Variants in PDGFRL observed in about 807,000 individuals in gnomAD.
The protein encoded by PDGFRL is platelet derived growth factor receptor like, also known as platelet-derived growth factor receptor-like protein.
In PDGFRL, 46 loss-of-function variants were observed where a neutral mutation model predicts 37.2. The ratio of observed to expected loss-of-function variants is 1.24; its 90% confidence interval spans 0.98 to 1.58. The LOEUF (loss-of-function observed/expected upper bound fraction) is 1.58, where lower values mean the gene tolerates loss of function less well. Among genes scored for constraint, PDGFRL ranks in the 40% most tolerant of loss-of-function variants. PDGFRL has a pLI of 0.00. For missense variants in PDGFRL, 692 were observed against 467.6 expected, an observed-to-expected ratio of 1.48 and a Z score of -4.43; for synonymous variants, 251 against 184.3, an observed-to-expected ratio of 1.36 and a Z score of -2.93.
chr8:17,636,207 G>A (rs1255485491), intron 5 of PDGFRL, among the ~76,000 whole-genome samples: 5 of 152,200 alleles, frequency 3.3e-5, no homozygotes, highest in African/African-American at 4.8e-5. Flanking sequence ...GTCTAGAAAG[G>A]TTTTTCCACT....
At chr8:17,577,150 C>A (rs551609374), upstream of PDGFRL, 3 of 1,508,472 alleles carry the variant, frequency 2.0e-6, no homozygotes, top group Admixed American at 2.1e-5. Context: ...CGAATCCTCC[C>A]GCTTCGGCGT....
At chr8:17,629,737 A>G (rs1367703908) in intron 4 of PDGFRL, among the ~76,000 whole-genome samples, 1 of 151,692 alleles carries the variant, frequency 6.6e-6, no homozygotes, top group African/African-American at 2.4e-5. Context: ...AGATATTCCC[A>G]CCCTCATCAC....
intron 2 of PDGFRL, among the ~76,000 whole-genome samples, chr8:17,605,911 A>G (rs1050997581): frequency 3.3e-5 from 5 of 152,190 alleles, no homozygotes; most frequent in Non-Finnish European, 5.9e-5. Context: ...AAGGGAGGGC[A>G]TCGGGCTTTT....
Position 17,620,229 on chromosome 8 carries a change from T to C in PDGFRL, c.354-822T>C, listed in dbSNP as rs536704758. Among the ~76,000 whole-genome samples, 3 of 152,306 alleles carry C rather than the reference T, an allele frequency of 2.0e-5. No individual in the cohort carries two copies. The South Asian group carries it at 6.2e-4, about 32-fold the overall frequency. On this transcript the variant is annotated intron_variant, in intron 2 of 5. Transcript: ENST00000251630. ...TTCCCATCTTGGCCTCTCAAAACAC[T>C]GGGATTATAGGCATGAACCACTGCC... is the stretch of plus-strand genomic sequence containing the variant.
chr8:17,590,600 C>G (rs1009944899), intron 2 of PDGFRL, among the ~76,000 whole-genome samples: 2 of 146,474 alleles, frequency 1.4e-5, no homozygotes, highest in Admixed American at 1.4e-4. Context: ...ATTCCAGTTA[C>G]TCAGGCAGAG....
chr8:17,591,445 G>A (rs1182419548), intron 2 of PDGFRL, among the ~76,000 whole-genome samples: 1 of 152,206 alleles, frequency 6.6e-6, no homozygotes, highest in Non-Finnish European at 1.5e-5. Flanking sequence ...GCACCTTGGT[G>A]AAGTCTCCTA....
chr8:17,628,850 C>A, intron 4 of PDGFRL, 70 bp downstream of exon 4: 3 of 1,021,380 alleles, frequency 2.9e-6, no homozygotes, highest in East Asian at 2.4e-5. Flanking sequence ...CTGTTCCCTG[C>A]CTGCAGATGG....
chr8:17,611,694 T>C (rs1804420122), intron 2 of PDGFRL, among the ~76,000 whole-genome samples: 1 of 151,990 alleles, frequency 6.6e-6, no homozygotes, highest in African/African-American at 2.4e-5. Flanking sequence ...CAGGCAGAGG[T>C]GGTAACGTGC....
intron 2 of PDGFRL, among the ~76,000 whole-genome samples, chr8:17,618,599 TG>T (rs1804574129): frequency 6.6e-6 from 1 of 152,190 alleles, no homozygotes; most frequent in Non-Finnish European, 1.5e-5. Context: ...TCACAAGCTG[TG>T]GGTTTCAGGG....
At chr8:17,580,524 G>A (rs1005359251) in intron 1 of PDGFRL, among the ~76,000 whole-genome samples, 5 of 152,086 alleles carry the variant, frequency 3.3e-5, no homozygotes, top group African/African-American at 1.2e-4. Context: ...GAGATCTGGT[G>A]GTCAGAGGAC....
intron 1 of PDGFRL, among the ~76,000 whole-genome samples, chr8:17,586,399 A>G (rs1803818061): frequency 6.6e-6 from 1 of 152,186 alleles, no homozygotes; most frequent in Non-Finnish European, 1.5e-5. Context: ...ACATCAAACA[A>G]AGAATCTCAT....
At chr8:17,637,359 A>T (rs569876020) in intron 5 of PDGFRL, among the ~76,000 whole-genome samples, 1 of 152,108 alleles carries the variant, frequency 6.6e-6, no homozygotes, top group African/African-American at 2.4e-5. Context: ...TTTTGTTTTT[A>T]ATTCTATGTG....
upstream of PDGFRL, chr8:17,577,130 CTG>C: frequency 7.0e-7 from 1 of 1,434,292 alleles, no homozygotes; most frequent in Non-Finnish European, 9.3e-7. Flanking sequence ...CTTGTTCCTC[CTG>C]AAGAAACCGA....
rs867393275 is a variant in PDGFRL, at chr8:17,628,899, G to C, written c.799+119G>C. ...CATGAGTGCCTTTTGTTTCATTGTTGTTGGGTTGTTGTTGTTTTTTTTTCT... is the reference window on the plus strand; with the variant it reads ...CATGAGTGCCTTTTGTTTCATTGTTCTTGGGTTGTTGTTGTTTTTTTTTCT... On this transcript the variant is annotated intron_variant, in intron 4 of 5. Coordinates refer to ENST00000251630, the MANE Select transcript of PDGFRL (RefSeq NM_001372073.1). 18 of 669,944 alleles carry C rather than the reference G, an allele frequency of 2.7e-5. No individual in the cohort carries two copies. In the African/African-American group the frequency reaches 3.3e-4, roughly 12 times the overall value. 41.5% of individuals were successfully genotyped at this position (669,944 alleles called of 1,614,324 possible).
chr8:17,590,117 GCTA>G (rs1188339189), intron 2 of PDGFRL, among the ~76,000 whole-genome samples: 4 of 151,158 alleles, frequency 2.6e-5, no homozygotes, highest in African/African-American at 9.7e-5. Context: ...TGTAGTCCCA[GCTA>G]CTCAGGAGGC....
chr8:17,609,634 TAAAAAA>T (rs3040922), intron 2 of PDGFRL, among the ~76,000 whole-genome samples: 4 of 43,544 alleles, frequency 9.2e-5, no homozygotes, highest in South Asian at 1.2e-3. Flanking sequence ...TGAGACTCTG[TAAAAAA>T]AAAAAAAAAA....
At chr8:17,597,240 A>G (rs74861035) in intron 2 of PDGFRL, among the ~76,000 whole-genome samples, 41 of 151,992 alleles carry the variant, frequency 2.7e-4, no homozygotes, top group African/African-American at 9.4e-4. Flanking sequence ...AGGCTGGTCT[A>G]CACCTCTTGG....
At chr8:17,608,891 G>A (rs558577364) in intron 2 of PDGFRL, among the ~76,000 whole-genome samples, 1 of 152,204 alleles carries the variant, frequency 6.6e-6, no homozygotes, top group South Asian at 2.1e-4. Context: ...TGGAGACCAG[G>A]CCTTGAAGAT....
At chr8:17,588,306 A>T (rs1404462565) in intron 1 of PDGFRL, among the ~76,000 whole-genome samples, 1 of 152,146 alleles carries the variant, frequency 6.6e-6, no homozygotes, top group Non-Finnish European at 1.5e-5. Context: ...TAAGCATTTT[A>T]TTCTACCTAG....
Sources: gnomAD v4.1 joint callset for allele counts (sites outside exome capture counted in the v4.1 genomes callset) on GRCh38, gnomAD v4.1.1 for gene constraint, MANE v1.5 for transcripts, NCBI Gene and HGNC (gene_info 2026-07-23, HGNC 2026-07-21) for gene names.